Variants in TRIM27 observed in about 807,000 individuals in gnomAD.
TRIM27 encodes the protein zinc finger protein RFP.
Under a neutral mutation model 57.6 loss-of-function variants are expected in TRIM27, and 12 were observed. The ratio of observed to expected loss-of-function variants is 0.21; its 90% CI spans 0.13 to 0.34. The LOEUF (loss-of-function observed/expected upper bound fraction) is 0.34, where lower values mean the gene tolerates loss of function less well. Ranked by LOEUF, TRIM27 falls within the 10% of genes least tolerant of loss-of-function variation. TRIM27 has a pLI of 1.00. For synonymous variants in TRIM27, 266 were observed against 259.0 expected (o/e 1.03, Z -0.26); for missense variants, 403 against 656.8 (o/e 0.61, Z 4.22).
intron 3 of TRIM27, among the ~76,000 whole-genome samples, chr6:28,913,265 A>ATATATAT (rs1308876801): frequency 1.4e-5 from 2 of 139,538 alleles, no homozygotes; most frequent in Admixed American, 7.1e-5. Context: ...CAAAAAAAAA[A>ATATATAT]AAAAATATAT....
rs773547101 is a variant in TRIM27, at chr6:28,904,409, G to A, written c.1203C>T (p.Ala401=). The change falls in exon 8 of 8, where the codon GCC becomes GCT. Residue 401 remains alanine, a synonymous_variant. Coordinates refer to ENST00000377199, the MANE Select transcript of TRIM27 (RefSeq NM_006510.5). This position sits in a 1 kb window ranked among gnomAD's most constrained non-coding sequence, Gnocchi z 6.1. The stretch of plus-strand genomic sequence containing the variant: ...ACACTGCCCAGAATCCATTCTGGGG[G>A]GCTGAGGTTACTCCACCTTTTCTGC... ...SVCRKGGVTS[A]PQNGFWAVSL... is the part of the protein sequence containing the mutation. The A allele has an allele frequency of 6.2e-7, 1 of 1,613,066 alleles. No homozygotes were observed. The highest frequency in any genetic ancestry group is 1.3e-5 in the African/African-American group (1 of 75,044).
At chr6:28,914,859 T>C (rs867558316) in intron 3 of TRIM27, 63 of 152,316 alleles carry the variant, frequency 4.1e-4, no homozygotes, top group African/African-American at 1.4e-3. Flanking sequence ...TGTATATTTC[T>C]TATAAATTTA....
intron 1 of TRIM27, 49 bp downstream of exon 1, chr6:28,923,164 C>G: frequency 6.7e-7 from 1 of 1,490,902 alleles, no homozygotes; most frequent in Non-Finnish European, 9.0e-7. Context: ...TGGCTCTCTC[C>G]TCCCTTTGTC....
At chr6:28,911,932 C>A (rs1042170819) in intron 3 of TRIM27, among the ~76,000 whole-genome samples, 2 of 152,144 alleles carry the variant, frequency 1.3e-5, no homozygotes, top group Non-Finnish European at 2.9e-5. Flanking sequence ...ATTTCCCATA[C>A]CCTCCTTCAG....
rs747976638 is a variant in TRIM27 at position 28,923,539 on chromosome 6, C to A, written c.94G>T (p.Gly32Cys). 6.2e-7 allele frequency: 1 copy of A among 1,611,776 alleles called. No individual in the cohort carries two copies. The highest frequency in any genetic ancestry group is 2.2e-5 in the East Asian group (1 of 44,834). ...YFAEPMMLDC[G>C]HNICCACLAR... ...AGGCACGCGCAACAGATGTTATGGC[C>A]GCAGTCGAGCATCATGGGCTCTGCG... is the stretch of plus-strand genomic sequence containing the variant. Residue 32 changes from glycine to cysteine, a missense_variant, in exon 1 of 8, where the codon GGC (glycine) becomes TGC (cysteine). By Grantham distance (159) the Gly-to-Cys change is radical. Transcript: ENST00000377199.
Position 28,923,668 on chromosome 6 carries a change from C to A in TRIM27, c.-36G>T, listed in dbSNP as rs777745003. 23 of 1,494,756 alleles carry A rather than the reference C, an allele frequency of 1.5e-5. 1 individual carries two copies. Among genetic ancestry groups the A allele is most frequent in the Admixed American group, 6.5e-5 (3 of 46,470 alleles). The allele number at this position is 1,494,756 out of a possible 1,614,324, so 92.6% of individuals were successfully genotyped here. On this transcript the variant is annotated 5_prime_UTR_variant, in exon 1 of 8. Coordinates refer to ENST00000377199, the MANE Select transcript of TRIM27 (RefSeq NM_006510.5). ...TGCGGGGGCGCACGGGCATGGGCCC[C>A]GGCGCCGAGCTCTGCACTGAGCCCA...
At chr6:28,915,273 T>C (rs1330367440) in intron 3 of TRIM27, 4 of 136,732 alleles carry the variant, frequency 2.9e-5, no homozygotes, top group Admixed American at 1.6e-4. Context: ...TCATGCTCCA[T>C]CTGTTTAAAA....
At chr6:28,911,780 C>G (rs375122672) in intron 3 of TRIM27, 62 bp from the exon 4 acceptor site, 1 of 1,568,582 alleles carries the variant, frequency 6.4e-7, no homozygotes, top group Non-Finnish European at 8.7e-7. Flanking sequence ...TTTTCTTTCA[C>G]AGATGTTTGT....
In TRIM27 at chr6:28,923,523, C is replaced by A; in HGVS notation, c.110G>T (p.Cys37Phe). Residue 37 changes from cysteine to phenylalanine, a missense_variant, in exon 1 of 8, where the codon TGC (cysteine) becomes TTC (phenylalanine). Transcript: ENST00000377199. Reference protein sequence around the residue: ...MMLDCGHNICCACLARCWGTA... With the variant: ...MMLDCGHNICFACLARCWGTA... ...GCCCCAGCAGCGGGCGAGGCACGCG[C>A]AACAGATGTTATGGCCGCAGTCGAG... 6.2e-7 allele frequency: 1 copy of A among 1,612,072 alleles called. No homozygotes were observed. Among genetic ancestry groups the A allele is most frequent in the Non-Finnish European group, 8.5e-7 (1 of 1,179,652 alleles).
In TRIM27 at chr6:28,919,968, T is replaced by C. The variant is rs368140685; in HGVS notation, c.747+44A>G. ...CTACTTGGCAAAGGAGAAGGGACGA[T>C]ATTTTCAGTGGGTGCTGCTCTAGCA... is the stretch of plus-strand genomic sequence containing the variant. On this transcript the variant is annotated intron_variant, in intron 3 of 7. Coordinates refer to ENST00000377199, the MANE Select transcript of TRIM27 (RefSeq NM_006510.5). 196 of 1,565,330 alleles carry C rather than the reference T, an allele frequency of 1.3e-4. 1 individual carries two copies. Among genetic ancestry groups the C allele is most frequent in the Admixed American group, 1.6e-4 (9 of 55,274 alleles).
intron 4 of TRIM27, chr6:28,911,415 T>C (rs937886525): frequency 2.1e-5 from 8 of 381,098 alleles, no homozygotes; most frequent in Admixed American, 1.8e-4. Flanking sequence ...ACTACCCTTA[T>C]ATTCAGCCCA....
At chr6:28,913,252 T>C (rs1562163183) in intron 3 of TRIM27, among the ~76,000 whole-genome samples, 3 of 122,840 alleles carry the variant, frequency 2.4e-5, no homozygotes. Context: ...TGAAACTCCA[T>C]CTCAAAAAAA....
chr6:28,917,893 C>G (rs1427666719), intron 3 of TRIM27, among the ~76,000 whole-genome samples: 1 of 151,018 alleles, frequency 6.6e-6, no homozygotes, highest in East Asian at 2.0e-4. Flanking sequence ...ATGGCGCAAT[C>G]TCGGCTCACT....
intron 2 of TRIM27, among the ~76,000 whole-genome samples, chr6:28,921,079 T>C (rs1208507859): frequency 6.6e-6 from 1 of 152,120 alleles, no homozygotes. Context: ...TTATAAACTT[T>C]TGTTCTAAAC....
In TRIM27 at chr6:28,909,084, C is replaced by G. The variant is rs1772984573; in HGVS notation, c.775G>C (p.Glu259Gln). The G allele has an allele frequency of 6.3e-7, 1 of 1,598,252 alleles. No homozygotes were observed. Among genetic ancestry groups the G allele is most frequent in the East Asian group, 2.2e-5 (1 of 44,824 alleles). The change falls in exon 5 of 8, where the codon GAA becomes CAA. Residue 259 changes from glutamate (E) to glutamine (Q), a missense_variant. Physicochemically the swap from Glu to Gln is conservative, Grantham distance 29. Transcript: ENST00000377199. ...QDIGDTLSRA[E>Q]RIRIPEPWIT... The stretch of plus-strand genomic sequence containing the variant: ...CAAGGTTCAGGAATCCTGATTCTTT[C>G]AGCCCTAAATTTAAAAAACATGAGT...
intron 7 of TRIM27, chr6:28,905,907 A>G (rs1470808139): frequency 1.3e-5 from 2 of 152,208 alleles, no homozygotes; most frequent in African/African-American, 2.4e-5. Context: ...GCTATCATCA[A>G]GTGTTTTCCT....
intron 3 of TRIM27, among the ~76,000 whole-genome samples, chr6:28,914,309 A>G (rs1433975470): frequency 6.6e-6 from 1 of 151,148 alleles, no homozygotes; most frequent in Non-Finnish European, 1.5e-5. Flanking sequence ...TAATTTTTGT[A>G]TTTTTAATAG....
At chr6:28,916,377 AC>A (rs1773607434) in intron 3 of TRIM27, among the ~76,000 whole-genome samples, 1 of 148,492 alleles carries the variant, frequency 6.7e-6, no homozygotes, top group Non-Finnish European at 1.5e-5. Context: ...ACATGGGGAA[AC>A]CCCGTCTCTA....
At position 28,904,561 on chromosome 6, in the gene TRIM27, G is replaced by A; in HGVS notation, c.1051C>T (p.Pro351Ser). Residue 351 changes from proline to serine, a missense_variant, in exon 8 of 8, where the codon CCC becomes TCC. Physicochemically the swap from Pro to Ser is moderately conservative, Grantham distance 74 (BLOSUM62 -1). Coordinates refer to ENST00000377199, the MANE Select transcript of TRIM27 (RefSeq NM_006510.5). This position sits in a 1 kb window ranked among gnomAD's most constrained non-coding sequence, Gnocchi z 6.1. ...CAGGGAAACAGATTGAACCTCTCGG[G>A]GTTGTCAGGCAGGTCCTGTTGGAGG... is the stretch of plus-strand genomic sequence containing the variant. ...SYLQQDLPDN[P>S]ERFNLFPCVL... is the part of the protein sequence containing the mutation. 1 of 1,611,864 alleles carries A rather than the reference G, an allele frequency of 6.2e-7. No individual in the cohort carries two copies. The highest frequency in any genetic ancestry group is 8.5e-7 in the Non-Finnish European group (1 of 1,180,010).
Sources: gnomAD v4.1 joint callset for allele counts (sites outside exome capture counted in the v4.1 genomes callset) on GRCh38, gnomAD v4.1.1 for gene constraint, Gnocchi (gnomAD v3.1) non-coding constraint, MANE v1.5 for transcripts, NCBI Gene and HGNC (gene_info 2026-07-23, HGNC 2026-07-21) for gene names.